The following SYN3 variants were observed in gnomAD, a reference collection of about 807,000 sequenced individuals.
SYN3 encodes the protein synapsin III.
Under a neutral mutation model 65.8 loss-of-function variants are expected in SYN3, and 35 were observed. The ratio of observed to expected loss-of-function variants is 0.53; its 90% CI spans 0.41 to 0.70. The LOEUF (loss-of-function observed/expected upper bound fraction) is 0.70. Ranked by LOEUF, SYN3 falls within the 30% of genes least tolerant of loss-of-function variation. The probability of loss-of-function intolerance (pLI) is 0.00; values close to 1 mark genes in which losing one functional copy is unlikely to be tolerated. For missense variants in SYN3, 680 were observed against 749.0 expected, an observed-to-expected ratio of 0.91 and a Z score of 1.08; for synonymous variants, 270 against 292.9, an observed-to-expected ratio of 0.92 and a Z score of 0.80.
chr22:32,648,049 G>A (rs111290660), intron 6 of SYN3, among the ~76,000 whole-genome samples: 4 of 152,090 alleles, frequency 2.6e-5, no homozygotes, highest in South Asian at 2.1e-4. Context: ...GTAGGGATTG[G>A]GGGGGTGTCT....
rs765645809 is a variant in SYN3 at position 32,541,579 on chromosome 22, C to T, written c.909G>A (p.Lys303=). The T allele has an allele frequency of 9.9e-6, 16 of 1,614,000 alleles. No homozygotes were observed. The East Asian group carries it at 3.6e-4, about 36-fold the overall frequency. The part of the protein sequence containing the change: ...IRIQKIGSNY[K]AYMRTSISGN... The stretch of plus-strand genomic sequence containing the variant: ...CTGCCCCAGAGACTCACATGTAAGC[C>T]TTGTAGTTGGATCCAATTTTCTGGA... Residue 303 remains lysine, a synonymous_variant, in exon 8 of 14, where the codon AAG becomes AAA. Transcript: ENST00000358763.
At chr22:32,622,938 T>C (rs951121424) in intron 6 of SYN3, among the ~76,000 whole-genome samples, 2 of 152,048 alleles carry the variant, frequency 1.3e-5, no homozygotes, top group Non-Finnish European at 2.9e-5. Context: ...GAGATGTGAC[T>C]GAGCTCATTT....
chr22:32,629,069 G>A (rs7291316), intron 6 of SYN3, among the ~76,000 whole-genome samples: 1,750 of 152,278 alleles, frequency 0.011, 46 homozygotes, highest in African/African-American at 0.04. Flanking sequence ...CCTGAGAGGT[G>A]AAAGGTGAAG....
At chr22:32,895,698 C>T (rs983587260) in intron 4 of SYN3, among the ~76,000 whole-genome samples, 1 of 152,174 alleles carries the variant, frequency 6.6e-6, no homozygotes, top group African/African-American at 2.4e-5. Flanking sequence ...AATTATCTCC[C>T]ATCTCTAAGC....
chr22:32,679,839 C>CTTTTTTTTTTTTTT (rs747116076), intron 6 of SYN3, among the ~76,000 whole-genome samples: 694 of 39,022 alleles, frequency 0.018, 21 homozygotes, highest in Middle Eastern at 0.056. Context: ...TGTTTTTTGG[C>CTTTTTTTTTTTTTT]TTTTTTTTTT....
chr22:32,590,790 T>C (rs1178242471), intron 7 of SYN3, among the ~76,000 whole-genome samples: 1 of 152,262 alleles, frequency 6.6e-6, no homozygotes, highest in Non-Finnish European at 1.5e-5. Context: ...CCTATTTTCA[T>C]CTATTTATTT....
intron 6 of SYN3, among the ~76,000 whole-genome samples, chr22:32,708,117 C>T (rs5754224): frequency 0.066 from 10,122 of 152,220 alleles, 390 homozygotes; most frequent in African/African-American, 0.1. Context: ...CATATAATTG[C>T]TAATACTGTT....
chr22:32,769,673 A>G (rs2045719154), intron 6 of SYN3, among the ~76,000 whole-genome samples: 1 of 152,024 alleles, frequency 6.6e-6, no homozygotes, highest in African/African-American at 2.4e-5. Context: ...ATGCGCCACC[A>G]TGTCCAGATA....
intron 6 of SYN3, among the ~76,000 whole-genome samples, chr22:32,851,974 T>C (rs1018417795): frequency 6.6e-6 from 1 of 152,226 alleles, no homozygotes; most frequent in African/African-American, 2.4e-5. Flanking sequence ...CTCTCTGTGC[T>C]TAGTACTGTA....
chr22:32,823,864 C>A (rs1203050194), intron 6 of SYN3, among the ~76,000 whole-genome samples: 1 of 152,162 alleles, frequency 6.6e-6, no homozygotes, highest in Non-Finnish European at 1.5e-5. Flanking sequence ...TACATCCCCA[C>A]AGTGCCCTGC....
chr22:32,698,340 C>T lies in SYN3; in HGVS notation c.712-101604G>A, dbSNP rs576981611. ...CTCCCCCGTTTCTTTGGCTGAGATG[C>T]TAACCAGAGCTTCTCTATCACTCTT... On this transcript the variant is annotated intron_variant, in intron 6 of 13. Coordinates refer to ENST00000358763, the MANE Select transcript of SYN3 (RefSeq NM_003490.4). Among the ~76,000 whole-genome samples, 4 of 152,262 alleles carry T rather than the reference C, an allele frequency of 2.6e-5. No individual in the cohort carries two copies. In the East Asian group the frequency reaches 5.8e-4, roughly 22 times the overall value.
At chr22:32,943,433 G>A (rs941965193) in intron 3 of SYN3, among the ~76,000 whole-genome samples, 2 of 152,254 alleles carry the variant, frequency 1.3e-5, no homozygotes, top group African/African-American at 2.4e-5. Context: ...CCCTACAAGA[G>A]CTCCTGAAGG....
chr22:32,971,525 C>T (rs1368461297), intron 3 of SYN3, among the ~76,000 whole-genome samples: 1 of 152,102 alleles, frequency 6.6e-6, no homozygotes, highest in Non-Finnish European at 1.5e-5. Context: ...GAATTTCAAA[C>T]ACAAGGAGGT....
At chr22:32,738,443 C>A (rs1017187409) in intron 6 of SYN3, among the ~76,000 whole-genome samples, 2 of 152,242 alleles carry the variant, frequency 1.3e-5, no homozygotes, top group Non-Finnish European at 2.9e-5. Context: ...CCTCTCCCCA[C>A]TGGCAAATGC....
intron 1 of SYN3, among the ~76,000 whole-genome samples, chr22:33,009,918 T>C (rs1248516169): frequency 2.0e-5 from 3 of 152,100 alleles, no homozygotes; most frequent in African/African-American, 7.2e-5. Context: ...TTATGGTTAG[T>C]GTTTCTGTGT....
At chr22:32,654,223 G>C (rs1021429995) in intron 6 of SYN3, among the ~76,000 whole-genome samples, 1 of 152,156 alleles carries the variant, frequency 6.6e-6, no homozygotes, top group South Asian at 2.1e-4. Context: ...ATCCCACCCT[G>C]ACACCCACTC....
At chr22:32,529,286 T>C (rs2058032449) in intron 10 of SYN3, among the ~76,000 whole-genome samples, 1 of 152,160 alleles carries the variant, frequency 6.6e-6, no homozygotes, top group Admixed American at 6.5e-5. Flanking sequence ...ACCTTTTCTG[T>C]GCTTTTCTTT....
rs1180914446 is a variant in SYN3, at chr22:32,837,429, C to G, written c.711+27486G>C. ...AGCTTTTGAGAGGTCAGCATGCCCC[C>G]TTAAACTTGATGTCTCCTCAGAGCA... On this transcript the variant is annotated intron_variant, in intron 6 of 13. Coordinates refer to ENST00000358763, the MANE Select transcript of SYN3 (RefSeq NM_003490.4). This position sits in a 1 kb window ranked among gnomAD's most constrained non-coding sequence, Gnocchi z 4.1. Among the ~76,000 whole-genome samples, 1 of 152,120 alleles carries G rather than the reference C, an allele frequency of 6.6e-6. No homozygotes were observed. Among genetic ancestry groups the G allele is most frequent in the Non-Finnish European group, 1.5e-5 (1 of 68,026 alleles).
chr22:32,660,093 C>T (rs968351935), intron 6 of SYN3, among the ~76,000 whole-genome samples: 4 of 152,116 alleles, frequency 2.6e-5, no homozygotes, highest in African/African-American at 9.7e-5. Flanking sequence ...AGTAACTGAT[C>T]CCATTGAACA....
Sources: gnomAD v4.1 joint callset for allele counts (sites outside exome capture counted in the v4.1 genomes callset) on GRCh38, gnomAD v4.1.1 for gene constraint, Gnocchi (gnomAD v3.1) non-coding constraint, MANE v1.5 for transcripts, NCBI Gene and HGNC (gene_info 2026-07-23, HGNC 2026-07-21) for gene names.